Variants in ADRA1A observed in about 807,000 individuals in gnomAD.
ADRA1A encodes alpha-1A adrenergic receptor.
ADRA1A carries 31 observed loss-of-function variants against 29.6 expected under a neutral mutation model. The observed-to-expected ratio is 1.05, with a 90% CI of 0.79 to 1.41. The LOEUF (loss-of-function observed/expected upper bound fraction) is 1.41, where lower values mean the gene tolerates loss of function less well. Among genes scored for constraint, ADRA1A ranks in the 40% most tolerant of loss-of-function variants. The pLI is 0.00. For missense variants in ADRA1A, 619 were observed against 601.1 expected, an observed-to-expected ratio of 1.03 and a Z score of -0.31; for synonymous variants, 311 against 254.3, an observed-to-expected ratio of 1.22 and a Z score of -2.12.
intron 2 of ADRA1A, among the ~76,000 whole-genome samples, chr8:26,857,106 G>A (rs749395108): frequency 3.9e-5 from 6 of 152,102 alleles, no homozygotes; most frequent in Non-Finnish European, 8.8e-5. Flanking sequence ...CAGTGATGCT[G>A]GACCAGGTGT....
chr8:26,846,610 A>G lies in ADRA1A; in HGVS notation c.883+17477T>C, dbSNP rs183589051. On this transcript the variant is annotated intron_variant, in intron 2 of 2. Coordinates refer to ENST00000380573, the MANE Select transcript of ADRA1A (RefSeq NM_000680.4). ...ATGGAGAAACCCTGTCTCTACTAAA[A>G]ACATACAAAAACTTAGCCAGGCGTG... Among the ~76,000 whole-genome samples, 57 of 152,168 alleles carry G rather than the reference A, an allele frequency of 3.7e-4. 1 individual carries two copies. The highest frequency in any genetic ancestry group is 1.5e-3 in the Admixed American group (23 of 15,286).
intron 2 of ADRA1A, among the ~76,000 whole-genome samples, chr8:26,862,834 A>G (rs1813585047): frequency 1.3e-5 from 2 of 152,258 alleles, no homozygotes. Context: ...AGGAACTGAA[A>G]GAATTTTATT....
exon 3 of ADRA1A, chr8:26,756,711 C>T (rs770105656): frequency 2.5e-6 from 4 of 1,613,954 alleles, no homozygotes; most frequent in Non-Finnish European, 3.4e-6. Flanking sequence ...GTTTCATGCT[C>T]CCCTTCCTTG....
chr8:26,757,772 A>G (rs1481097379), intron 2 of ADRA1A, among the ~76,000 whole-genome samples: 3 of 152,114 alleles, frequency 2.0e-5, no homozygotes, highest in Non-Finnish European at 2.9e-5. Flanking sequence ...AGATGATGTT[A>G]CATCTTAGTT....
At chr8:26,852,749 T>G (rs953780574) in intron 2 of ADRA1A, among the ~76,000 whole-genome samples, 2 of 152,158 alleles carry the variant, frequency 1.3e-5, no homozygotes, top group African/African-American at 4.8e-5. Context: ...GAACACATAA[T>G]TCTTACGGTA....
intron 2 of ADRA1A, among the ~76,000 whole-genome samples, chr8:26,833,675 G>A (rs1332690397): frequency 6.6e-6 from 1 of 152,200 alleles, no homozygotes. Flanking sequence ...TATTGCTAAG[G>A]CAAAGCAGAG....
rs1314932778 is a variant in ADRA1A at position 26,864,474 on chromosome 8, T to C, written c.496A>G (p.Arg166Gly). 1 of 1,613,578 alleles carries C rather than the reference T, an allele frequency of 6.2e-7. No homozygotes were observed. Among genetic ancestry groups the C allele is most frequent in the Non-Finnish European group, 8.5e-7 (1 of 1,180,006 alleles). Residue 166 changes from arginine (R) to glycine (G), a missense_variant, in exon 2 of 3, where the codon AGG becomes GGG. By Grantham distance (125) the Arg-to-Gly change is moderately radical. Transcript: ENST00000380573. This position sits in a 1 kb window ranked among gnomAD's most constrained non-coding sequence, Gnocchi z 8.1. The part of the protein sequence containing the change: ...VISIGPLFGW[R>G]QPAPEDETIC... ...GTCTCGTCCTCGGGGGCCGGCTGCC[T>C]CCAGCCGAACAGGGGTCCAATGGAT... is the stretch of plus-strand genomic sequence containing the variant.
chr8:26,850,786 A>G (rs1034502131), intron 2 of ADRA1A, among the ~76,000 whole-genome samples: 2 of 152,190 alleles, frequency 1.3e-5, no homozygotes, highest in African/African-American at 2.4e-5. Flanking sequence ...GTCACTGCAC[A>G]TGGCCCTTGC....
At chr8:26,854,416 AGCGGGGCG>A (rs1812851941) in intron 2 of ADRA1A, 1 of 18,702 alleles carries the variant, frequency 5.3e-5, no homozygotes, top group Non-Finnish European at 1.0e-4. Context: ...CTGAAGTTAA[AGCGGGGCG>A]GGGGGGGGGA....
intron 2 of ADRA1A, among the ~76,000 whole-genome samples, chr8:26,784,929 A>T (rs543268017): frequency 2.0e-5 from 3 of 152,314 alleles, no homozygotes; most frequent in Admixed American, 2.0e-4. Flanking sequence ...ATCTCAGAAT[A>T]GGCGGGATAC....
At chr8:26,854,416 A>AGGGGGGGGGGGGG in intron 2 of ADRA1A, 1 of 18,716 alleles carries the variant, frequency 5.3e-5, no homozygotes, top group Middle Eastern at 0.042. Context: ...CTGAAGTTAA[A>AGGGGGGGGGGGGG]GCGGGGCGGG....
At chr8:26,773,160 G>A (rs1468377349) in intron 2 of ADRA1A, among the ~76,000 whole-genome samples, 1 of 152,206 alleles carries the variant, frequency 6.6e-6, no homozygotes, top group African/African-American at 2.4e-5. Flanking sequence ...TGGTAGGTTT[G>A]AAATTAGGCA....
chr8:26,777,628 C>A (rs1346071667), intron 2 of ADRA1A, among the ~76,000 whole-genome samples: 1 of 152,186 alleles, frequency 6.6e-6, no homozygotes, highest in East Asian at 1.9e-4. Flanking sequence ...CATGTGTATG[C>A]TCACTTGAGA....
At chr8:26,828,887 C>T (rs1055769723) in intron 2 of ADRA1A, among the ~76,000 whole-genome samples, 2 of 152,100 alleles carry the variant, frequency 1.3e-5, no homozygotes, top group African/African-American at 4.8e-5. Context: ...TCATTCCAAC[C>T]CTGCCTTTCC....
chr8:26,775,075 A>C lies in ADRA1A; in HGVS notation c.884-4409T>G, dbSNP rs1053823297. ...ACCCAGTCACTCTGTGGGGAAGTCC[A>C]TTCGAGCAGCCATCCGGCCGGCTTT... On this transcript the variant is annotated intron_variant, in intron 2 of 2. Transcript: ENST00000380573. This position sits in a 1 kb window ranked among gnomAD's most constrained non-coding sequence, Gnocchi z 4.1. Among the ~76,000 whole-genome samples, 2 of 152,092 alleles carry C rather than the reference A, an allele frequency of 1.3e-5. No homozygotes were observed. The highest frequency in any genetic ancestry group is 2.9e-5 in the Non-Finnish European group (2 of 68,028).
At chr8:26,795,714 AACAG>A (rs1007098473) in intron 2 of ADRA1A, among the ~76,000 whole-genome samples, 1 of 152,190 alleles carries the variant, frequency 6.6e-6, no homozygotes, top group African/African-American at 2.4e-5. Context: ...ACCACAAACA[AACAG>A]ACAAAGTGAT....
chr8:26,770,189 A>G lies in ADRA1A; in HGVS notation c.1361T>C (p.Val454Ala), dbSNP rs1168557189. 3.2e-6 allele frequency: 5 copies of G among 1,585,830 alleles called. No individual in the cohort carries two copies. In the African/African-American group the frequency reaches 6.7e-5, roughly 21 times the overall value. The change falls in exon 3 of 3, where the codon GTC becomes GCC. Residue 454 changes from valine to alanine, a missense_variant. Transcript: ENST00000380573. Reference sequence around the variant, plus strand: ...GTTCTCACTGAGGGAGATGGTGTGGACCTTAATGGTTGGAACTTGATGGTT... The same window carrying G: ...GTTCTCACTGAGGGAGATGGTGTGGGCCTTAATGGTTGGAACTTGATGGTT... ...DKNHQVPTIK[V>A]HTISLSENGE...
Position 26,865,180 on chromosome 8 carries a change from C to T in ADRA1A, c.-211G>A. The T allele has an allele frequency of 5.0e-6, 7 of 1,411,830 alleles. No individual in the cohort carries two copies. Among genetic ancestry groups the T allele is most frequent in the Non-Finnish European group, 6.4e-6 (7 of 1,086,364 alleles). 87.5% of individuals were successfully genotyped at this position (1,411,830 alleles called of 1,614,324 possible). On this transcript the variant is annotated 5_prime_UTR_variant, in exon 2 of 3. It removes an upstream start codon present in the reference 5' UTR. Coordinates refer to ENST00000380573, the MANE Select transcript of ADRA1A (RefSeq NM_000680.4). The surrounding 1 kb of genome is among the most constrained non-coding windows in gnomAD (Gnocchi z 7.6). ...CAGAAGGCCACATGAAGGGGCAGGG[C>T]ATTAAAGACATGGCCAGGGGCGCGC... is the stretch of plus-strand genomic sequence containing the variant.
chr8:26,843,554 A>G (rs566905936), intron 2 of ADRA1A, among the ~76,000 whole-genome samples: 318 of 152,316 alleles, frequency 2.1e-3, no homozygotes, highest in African/African-American at 7.3e-3. Flanking sequence ...TATGATCAAC[A>G]TGGCTCTATG....
Sources: gnomAD v4.1 joint callset for allele counts (sites outside exome capture counted in the v4.1 genomes callset) on GRCh38, gnomAD v4.1.1 for gene constraint, Gnocchi (gnomAD v3.1) non-coding constraint, MANE v1.5 for transcripts, NCBI Gene and HGNC (gene_info 2026-07-23, HGNC 2026-07-21) for gene names.